The following DTNB variants were observed in gnomAD, a reference collection of about 807,000 sequenced individuals.
DTNB encodes dystrobrevin beta, also known as DTN-B.
In DTNB, 63 loss-of-function variants were observed where a neutral mutation model predicts 90.7. The ratio of observed to expected loss-of-function variants is 0.69; its 90% confidence interval spans 0.57 to 0.86. The LOEUF (loss-of-function observed/expected upper bound fraction) is 0.86. DTNB is among the 40% of genes least tolerant of loss of function. The pLI is 0.00. For missense variants in DTNB, 744 were observed against 807.1 expected, an observed-to-expected ratio of 0.92 and a Z score of 0.95; for synonymous variants, 277 against 286.7, an observed-to-expected ratio of 0.97 and a Z score of 0.34.
intron 1 of DTNB, among the ~76,000 whole-genome samples, chr2:25,670,101 A>G (rs1393593541): frequency 2.6e-5 from 4 of 152,208 alleles, no homozygotes; most frequent in African/African-American, 9.7e-5. Context: ...TACATACTAC[A>G]TAAGAGATTG....
Position 25,619,418 on chromosome 2 carries a change from G to A in DTNB, c.362+8753C>T, listed in dbSNP as rs116294589. The stretch of plus-strand genomic sequence containing the variant: ...GTTGCAATAATCAACTGCAAATCAA[G>A]AATCCATTTGGCAAATGTCAAACAG... On this transcript the variant is annotated intron_variant, in intron 4 of 20. Coordinates refer to ENST00000406818, the MANE Select transcript of DTNB (RefSeq NM_021907.5). Among the ~76,000 whole-genome samples, 675 of 152,260 alleles carry A rather than the reference G, an allele frequency of 4.4e-3. 1 individual carries two copies. Among genetic ancestry groups the A allele is most frequent in the Non-Finnish European group, 6.5e-3 (444 of 68,016 alleles).
intron 20 of DTNB, among the ~76,000 whole-genome samples, chr2:25,378,340 G>A (rs2036453645): frequency 6.6e-6 from 1 of 152,210 alleles, no homozygotes; most frequent in South Asian, 2.1e-4. Flanking sequence ...TGGCCCAGGT[G>A]CTGCCCTCTC....
intron 8 of DTNB, among the ~76,000 whole-genome samples, chr2:25,551,855 T>C (rs2083725048): frequency 2.6e-5 from 4 of 152,234 alleles, no homozygotes; most frequent in Non-Finnish European, 4.4e-5. Flanking sequence ...CTCTACACTT[T>C]GTTTTCTTTT....
At chr2:25,559,986 C>A (rs528328699) in intron 8 of DTNB, among the ~76,000 whole-genome samples, 1 of 152,220 alleles carries the variant, frequency 6.6e-6, no homozygotes, top group Admixed American at 6.5e-5. Context: ...GGGTGGCTCA[C>A]GCCTGTAATC....
At chr2:25,671,074 G>A (rs186669309) in intron 1 of DTNB, among the ~76,000 whole-genome samples, 1 of 152,322 alleles carries the variant, frequency 6.6e-6, no homozygotes, top group East Asian at 1.9e-4. Flanking sequence ...GAGTAGTGAT[G>A]CTGGCAATTG....
chr2:25,416,915 A>G (rs187997454), intron 16 of DTNB, among the ~76,000 whole-genome samples: 159 of 152,304 alleles, frequency 1.0e-3, no homozygotes, highest in African/African-American at 3.6e-3. Context: ...CTGTCACTCA[A>G]TAATGGTGGG....
At chr2:25,654,106 T>A (rs1241808138) in intron 1 of DTNB, among the ~76,000 whole-genome samples, 1 of 152,188 alleles carries the variant, frequency 6.6e-6, no homozygotes, top group Non-Finnish European at 1.5e-5. Flanking sequence ...GACAAATTAC[T>A]TAATCAAGGC....
chr2:25,587,903 T>C (rs1183224749), intron 6 of DTNB, among the ~76,000 whole-genome samples: 1 of 151,482 alleles, frequency 6.6e-6, no homozygotes, highest in Non-Finnish European at 1.5e-5. Flanking sequence ...CACACCATTA[T>C]TTTTTTTTCT....
intron 8 of DTNB, among the ~76,000 whole-genome samples, chr2:25,533,940 T>TTA (rs1553498459): frequency 2.0e-5 from 3 of 151,156 alleles, no homozygotes; most frequent in Non-Finnish European, 4.4e-5. Flanking sequence ...TTATTTTTAT[T>TTA]TTTATTTATT....
intron 6 of DTNB, among the ~76,000 whole-genome samples, chr2:25,593,782 C>T (rs755354199): frequency 1.3e-5 from 2 of 152,152 alleles, no homozygotes; most frequent in African/African-American, 4.8e-5. Flanking sequence ...CATCGGAATA[C>T]TAACGTTGCA....
At position 25,638,032 on chromosome 2, in the gene DTNB, A is replaced by C. The variant is rs2077464379; in HGVS notation, c.148+982T>G. 2.0e-5 allele frequency among the ~76,000 whole-genome samples: 3 copies of C among 152,224 alleles called. No individual in the cohort carries two copies. The South Asian group carries it at 6.2e-4, about 32-fold the overall frequency. ...CACCATGGAATACTATGCAGCCATA[A>C]AAAAGGATGAGTTCATGTCCTTTGT... On this transcript the variant is annotated intron_variant, in intron 3 of 20. Transcript: ENST00000406818.
At chr2:25,583,889 A>G (rs889005363) in intron 6 of DTNB, among the ~76,000 whole-genome samples, 3 of 152,010 alleles carry the variant, frequency 2.0e-5, no homozygotes, top group African/African-American at 7.3e-5. Flanking sequence ...GAAGACCCTC[A>G]TAAATAAACT....
Position 25,652,737 on chromosome 2 carries a change from A to C in DTNB, c.-1-76T>G. On this transcript the variant is annotated intron_variant, in intron 1 of 20. Coordinates refer to ENST00000406818, the MANE Select transcript of DTNB (RefSeq NM_021907.5). ...TCAAGTGCTAATCATTCTATTGTGA[A>C]GAGGGACCGGAAACCAAGTTGCAAA... 2.0e-6 allele frequency: 3 copies of C among 1,489,188 alleles called. No homozygotes were observed. The South Asian group carries it at 4.0e-5, about 20-fold the overall frequency. 92.2% of individuals were successfully genotyped at this position (1,489,188 alleles called of 1,614,324 possible).
chr2:25,647,322 A>G (rs1294046971), intron 2 of DTNB, among the ~76,000 whole-genome samples: 1 of 152,232 alleles, frequency 6.6e-6, no homozygotes, highest in Non-Finnish European at 1.5e-5. Flanking sequence ...CAAAGCAGAA[A>G]TATTTAACAT....
chr2:25,473,593 T>A (rs2063216498), intron 10 of DTNB, among the ~76,000 whole-genome samples: 1 of 152,198 alleles, frequency 6.6e-6, no homozygotes, highest in Non-Finnish European at 1.5e-5. Context: ...TGCGCATGTA[T>A]GCATGTCAGG....
chr2:25,564,343 G>A (rs1329028439), intron 8 of DTNB, among the ~76,000 whole-genome samples: 5 of 152,010 alleles, frequency 3.3e-5, no homozygotes, highest in Admixed American at 3.3e-4. Context: ...TCTAACCCAT[G>A]AACACAGCAT....
intron 8 of DTNB, among the ~76,000 whole-genome samples, chr2:25,536,394 T>C (rs1426489334): frequency 2.0e-5 from 3 of 152,236 alleles, no homozygotes; most frequent in Middle Eastern, 6.8e-3. Context: ...ATCACGCCAC[T>C]GCACTCCAGC....
chr2:25,602,394 C>T (rs2066087364), intron 5 of DTNB, among the ~76,000 whole-genome samples: 1 of 152,142 alleles, frequency 6.6e-6, no homozygotes, highest in African/African-American at 2.4e-5. Flanking sequence ...GTAAATCTAG[C>T]CATCACTCAT....
intron 9 of DTNB, among the ~76,000 whole-genome samples, chr2:25,505,527 T>C (rs2072174849): frequency 1.3e-5 from 2 of 152,184 alleles, no homozygotes; most frequent in South Asian, 2.1e-4. Context: ...CAACAAGATA[T>C]ATGTCTTGAT....
Sources: allele counts gnomAD v4.1 joint callset (sites outside exome capture counted in the v4.1 genomes callset), GRCh38; gene constraint gnomAD v4.1.1; transcripts MANE v1.5; gene names NCBI Gene and HGNC (gene_info 2026-07-23, HGNC 2026-07-21).